Variants in CLNK observed in about 807,000 individuals in gnomAD.
The protein encoded by CLNK is cytokine dependent hematopoietic cell linker.
In CLNK, 74 loss-of-function variants were observed where a neutral mutation model predicts 68.6. The observed-to-expected ratio is 1.08, with a 90% confidence interval of 0.89 to 1.31. CLNK has a LOEUF of 1.31. Among genes scored for constraint, CLNK ranks in the 50% most tolerant of loss-of-function variants. CLNK has a pLI of 0.00. For synonymous variants in CLNK, 198 were observed against 172.2 expected, an observed-to-expected ratio of 1.15 and a Z score of -1.17; for missense variants, 553 against 515.3, an observed-to-expected ratio of 1.07 and a Z score of -0.71.
At chr4:10,509,867 G>A (rs1404702562) in intron 16 of CLNK, among the ~76,000 whole-genome samples, 1 of 152,102 alleles carries the variant, frequency 6.6e-6, no homozygotes, top group African/African-American at 2.4e-5. Context: ...ACCCCCAGGG[G>A]AGAGGTAGTG....
chr4:10,487,971 AACCCGAC>A lies in CLNK; in HGVS notation c.*2489_*2495del, dbSNP rs1716423709. Reference sequence around the variant, plus strand: ...TTGTCCTGGTGTCTGAGTTCTAGAAAACCCGACACCCAATCCCTCAAACCCCAATCAC... The same window carrying A: ...TTGTCCTGGTGTCTGAGTTCTAGAAAACCCAATCCCTCAAACCCCAATCAC... On this transcript the variant is annotated 3_prime_UTR_variant, in exon 19 of 19. Coordinates refer to ENST00000226951, the MANE Select transcript of CLNK (RefSeq NM_052964.4). The A allele has an allele frequency of 6.6e-6, 1 of 152,132 alleles. No individual in the cohort carries two copies. The highest frequency in any genetic ancestry group is 2.4e-5 in the African/African-American group (1 of 41,416). The allele number at this position is 152,132 out of a possible 1,614,324, so 9.4% of individuals were successfully genotyped here.
intron 2 of CLNK, among the ~76,000 whole-genome samples, chr4:10,662,107 A>G (rs1724215860): frequency 6.6e-6 from 1 of 152,234 alleles, no homozygotes; most frequent in African/African-American, 2.4e-5. Flanking sequence ...TTAGACTATT[A>G]TGGTAGAGTT....
intron 2 of CLNK, among the ~76,000 whole-genome samples, chr4:10,644,008 G>A (rs113657024): frequency 8.3e-4 from 126 of 152,316 alleles, no homozygotes; most frequent in Non-Finnish European, 1.4e-3. Flanking sequence ...ATATGGAGAC[G>A]AATTTGGGCA....
the CLNK span, among the ~76,000 whole-genome samples, chr4:10,702,504 G>A: frequency 6.6e-6 from 1 of 152,144 alleles, no homozygotes; most frequent in African/African-American, 2.4e-5. Context: ...ATCACAGGAT[G>A]GATAGAGAAA....
intron 4 of CLNK, among the ~76,000 whole-genome samples, chr4:10,572,984 A>G (rs1720408203): frequency 6.6e-6 from 1 of 152,026 alleles, no homozygotes; most frequent in Non-Finnish European, 1.5e-5. Flanking sequence ...GCACACCACC[A>G]CACCCAGCTA....
intron 6 of CLNK, among the ~76,000 whole-genome samples, chr4:10,565,668 A>T (rs1720079455): frequency 6.6e-6 from 1 of 151,882 alleles, no homozygotes; most frequent in South Asian, 2.1e-4. Context: ...ACCCTCCGTT[A>T]TGCTCATCAT....
intron 2 of CLNK, among the ~76,000 whole-genome samples, chr4:10,636,684 A>C (rs899645477): frequency 2.0e-5 from 3 of 152,176 alleles, no homozygotes; most frequent in Admixed American, 6.5e-5. Context: ...CATACCGTGC[A>C]CTTGGGAATG....
intron 12 of CLNK, among the ~76,000 whole-genome samples, chr4:10,529,775 C>T (rs750971955): frequency 2.6e-5 from 4 of 152,140 alleles, no homozygotes; most frequent in African/African-American, 7.2e-5. Flanking sequence ...GAGAACAGTG[C>T]AGAGAAGCCC....
At chr4:10,591,633 A>T (rs1721181716) in intron 3 of CLNK, among the ~76,000 whole-genome samples, 1 of 152,226 alleles carries the variant, frequency 6.6e-6, no homozygotes, top group South Asian at 2.1e-4. Context: ...CTATACCTGG[A>T]CCTGTCCTAT....
intron 11 of CLNK, among the ~76,000 whole-genome samples, chr4:10,538,904 T>C (rs1718906919): frequency 6.6e-6 from 1 of 152,086 alleles, no homozygotes. Flanking sequence ...TTAAAAATAG[T>C]GTTGGTTAAA....
At chr4:10,652,479 A>G (rs181717935) in intron 2 of CLNK, among the ~76,000 whole-genome samples, 1 of 152,096 alleles carries the variant, frequency 6.6e-6, no homozygotes. Context: ...AAAATGTAAG[A>G]ATAGAAAAGT....
chr4:10,595,455 T>A (rs1248237962), intron 3 of CLNK, among the ~76,000 whole-genome samples: 1 of 152,194 alleles, frequency 6.6e-6, no homozygotes, highest in Non-Finnish European at 1.5e-5. Context: ...TTCATCTCAA[T>A]ATTGCAGACA....
At chr4:10,702,021 C>T in the CLNK span, among the ~76,000 whole-genome samples, 8 of 152,272 alleles carry the variant, frequency 5.3e-5, no homozygotes, top group Middle Eastern at 3.4e-3. Context: ...TGTGAAGACA[C>T]GAGAACCAAG....
chr4:10,495,963 C>G (rs1716795828), intron 18 of CLNK, among the ~76,000 whole-genome samples: 1 of 152,176 alleles, frequency 6.6e-6, no homozygotes, highest in African/African-American at 2.4e-5. Context: ...CCCCTGGAGC[C>G]TCCAGAAGGA....
intron 2 of CLNK, among the ~76,000 whole-genome samples, chr4:10,622,496 A>G (rs2108862124): frequency 6.6e-6 from 1 of 152,348 alleles, no homozygotes; most frequent in African/African-American, 2.4e-5. Flanking sequence ...AGCCCTGACC[A>G]AGGAAAGAAG....
chr4:10,496,385 A>T (rs1054473743), intron 18 of CLNK, among the ~76,000 whole-genome samples: 2 of 152,136 alleles, frequency 1.3e-5, no homozygotes, highest in Non-Finnish European at 2.9e-5. Context: ...AAGAGGCGTG[A>T]TTCTTCCTCA....
chr4:10,572,863 C>T (rs537682923), intron 4 of CLNK, among the ~76,000 whole-genome samples: 6 of 152,264 alleles, frequency 3.9e-5, no homozygotes, highest in African/African-American at 1.4e-4. Flanking sequence ...CAGTCTTGTT[C>T]TGTCACCCAG....
chr4:10,550,255 A>G (rs1042573136), intron 8 of CLNK, among the ~76,000 whole-genome samples: 2 of 152,188 alleles, frequency 1.3e-5, no homozygotes, highest in African/African-American at 2.4e-5. Context: ...GCACTTTGGG[A>G]GGCCGAGGCG....
At chr4:10,602,667 C>T (rs1328512247) in intron 2 of CLNK, among the ~76,000 whole-genome samples, 4 of 152,294 alleles carry the variant, frequency 2.6e-5, no homozygotes, top group Middle Eastern at 3.4e-3. Flanking sequence ...TCAGCCAGTA[C>T]GTTTACGTTT....
Sources: gnomAD v4.1 joint callset for allele counts (sites outside exome capture counted in the v4.1 genomes callset) on GRCh38, gnomAD v4.1.1 for gene constraint, MANE v1.5 for transcripts, NCBI Gene and HGNC (gene_info 2026-07-23, HGNC 2026-07-21) for gene names.